Variants in LIMA1 observed in about 807,000 individuals in gnomAD.
The protein encoded by LIMA1 is LIM domain and actin binding 1.
A neutral mutation model predicts 62.6 loss-of-function variants in LIMA1; 52 were observed. The observed-to-expected ratio is 0.83, with a 90% CI of 0.67 to 1.05. LIMA1 has a LOEUF of 1.05. LIMA1 is among the 50% of genes least tolerant of loss of function. The probability of loss-of-function intolerance (pLI) is 0.00; values close to 1 mark genes in which losing one functional copy is unlikely to be tolerated. For synonymous variants in LIMA1, 302 were observed against 317.8 expected, an observed-to-expected ratio of 0.95 and a Z score of 0.53; for missense variants, 780 against 902.2, an observed-to-expected ratio of 0.86 and a Z score of 1.74.
intron 1 of LIMA1, among the ~76,000 whole-genome samples, chr12:50,260,380 C>T (rs1370761023): frequency 1.3e-5 from 2 of 152,122 alleles, no homozygotes; most frequent in Non-Finnish European, 2.9e-5. Flanking sequence ...AACTCCTGAC[C>T]TCTAGTGAGC....
intron 2 of LIMA1, 120 bp from the exon 3 acceptor site, chr12:50,231,830 C>CCGA: frequency 1.1e-6 from 1 of 882,636 alleles, no homozygotes; most frequent in Non-Finnish European, 1.8e-6. Context: ...TGCAGTGGTG[C>CCGA]GATCTCGGCT....
At chr12:50,213,709 A>G (rs1431471843) in intron 4 of LIMA1, among the ~76,000 whole-genome samples, 1 of 152,244 alleles carries the variant, frequency 6.6e-6, no homozygotes, top group African/African-American at 2.4e-5. Context: ...TTTAGGAATG[A>G]GCCCACTAGC....
intron 3 of LIMA1, chr12:50,222,806 T>A: frequency 1.4e-6 from 1 of 718,818 alleles, no homozygotes; most frequent in Non-Finnish European, 1.9e-6. Flanking sequence ...ACCCAAAGAT[T>A]AATGGGGAAA....
chr12:50,267,666 C>T (rs540871029), intron 1 of LIMA1, among the ~76,000 whole-genome samples: 2,115 of 152,006 alleles, frequency 0.014, 44 homozygotes, highest in African/African-American at 0.049. Context: ...ACTACAGGTG[C>T]ATGCCACCAC....
At chr12:50,282,311 T>C (rs1440908975) in intron 1 of LIMA1, among the ~76,000 whole-genome samples, 1 of 152,144 alleles carries the variant, frequency 6.6e-6, no homozygotes, top group Non-Finnish European at 1.5e-5. Context: ...GTGAATAGTA[T>C]TGGTAACCAA....
At chr12:50,230,599 G>A (rs984638842) in intron 3 of LIMA1, among the ~76,000 whole-genome samples, 1 of 151,754 alleles carries the variant, frequency 6.6e-6, no homozygotes, top group Non-Finnish European at 1.5e-5. Flanking sequence ...ACAGAGTCTC[G>A]CTCTGGCTGA....
At chr12:50,226,255 C>T (rs1941526474) in intron 3 of LIMA1, among the ~76,000 whole-genome samples, 1 of 151,746 alleles carries the variant, frequency 6.6e-6, no homozygotes, top group African/African-American at 2.4e-5. Context: ...CTATGTTGCC[C>T]AGGCTCAAAC....
intron 1 of LIMA1, among the ~76,000 whole-genome samples, chr12:50,280,244 T>C (rs966273809): frequency 7.6e-6 from 1 of 132,370 alleles, no homozygotes; most frequent in Non-Finnish European, 1.6e-5. Context: ...AAGCTCCGCC[T>C]CCCGGGTTCA....
In LIMA1 at chr12:50,240,269, A is replaced by C. The variant is rs138669176; in HGVS notation, c.119+8364T>G. 3.8e-3 allele frequency among the ~76,000 whole-genome samples: 573 copies of C among 152,180 alleles called. 3 individuals are homozygous for C. Among genetic ancestry groups the C allele is most frequent in the African/African-American group, 0.013 (537 of 41,502 alleles). On this transcript the variant is annotated intron_variant, in intron 2 of 10. Coordinates refer to ENST00000341247, the MANE Select transcript of LIMA1 (RefSeq NM_016357.5). ...ACTCTAGTGTTGCAGAAGCTCACTG[A>C]GAGGGGAAAGGGCAGGCAATGAGGC... is the stretch of plus-strand genomic sequence containing the variant.
chr12:50,247,435 C>A (rs1219207087), intron 2 of LIMA1, among the ~76,000 whole-genome samples: 1 of 151,808 alleles, frequency 6.6e-6, no homozygotes, highest in Non-Finnish European at 1.5e-5. Context: ...TGTAGGTGTT[C>A]CTACCATGGC....
At chr12:50,257,663 ACT>A (rs1942015114) in intron 1 of LIMA1, among the ~76,000 whole-genome samples, 1 of 152,132 alleles carries the variant, frequency 6.6e-6, no homozygotes, top group African/African-American at 2.4e-5. Context: ...GAAGCAGGGA[ACT>A]CTCTTTTTCT....
chr12:50,195,691 T>C, intron 8 of LIMA1, 139 bp downstream of exon 8: 1 of 779,194 alleles, frequency 1.3e-6, no homozygotes, highest in Non-Finnish European at 2.0e-6. Context: ...GTAAAGGACA[T>C]TCAAGCATTA....
chr12:50,193,662 ATATAT>A (rs1226558815), intron 8 of LIMA1, among the ~76,000 whole-genome samples: 2 of 93,474 alleles, frequency 2.1e-5, no homozygotes, highest in Admixed American at 2.3e-4. Context: ...ATATATATAT[ATATAT>A]TTTTTTTTTT....
In LIMA1 at chr12:50,185,326, G is replaced by A. The variant is rs1038278153; in HGVS notation, c.1141-3289C>T. 39 of 455,186 alleles carry A rather than the reference G, an allele frequency of 8.6e-5. No homozygotes were observed. In the Middle Eastern group the frequency reaches 1.0e-3, roughly 12 times the overall value. 28.2% of individuals were successfully genotyped at this position (455,186 alleles called of 1,614,324 possible). A position where few individuals can be genotyped will look rare whatever the true frequency, so the allele number is the denominator to read the frequency against. On this transcript the variant is annotated intron_variant, in intron 9 of 10. Coordinates refer to ENST00000341247, the MANE Select transcript of LIMA1 (RefSeq NM_016357.5). ...GGAGGGGAGGCACACACTGTGGGAG[G>A]GGGAAGCAGCCCAGGGAACAGAAGG...
At chr12:50,257,463 C>G (rs1047957985) in intron 1 of LIMA1, among the ~76,000 whole-genome samples, 1 of 152,108 alleles carries the variant, frequency 6.6e-6, no homozygotes, top group African/African-American at 2.4e-5. Flanking sequence ...CATCTGCCAC[C>G]CAGAAGGAAT....
intron 3 of LIMA1, among the ~76,000 whole-genome samples, chr12:50,229,334 T>A (rs1234387070): frequency 6.6e-6 from 1 of 152,168 alleles, no homozygotes; most frequent in East Asian, 1.9e-4. Context: ...CCTCCTAAAG[T>A]GCTGGGATTA....
intron 1 of LIMA1, among the ~76,000 whole-genome samples, chr12:50,259,962 T>A (rs1942043913): frequency 6.6e-6 from 1 of 152,170 alleles, no homozygotes; most frequent in Admixed American, 6.5e-5. Context: ...TCCACTTTTC[T>A]CTTTTCTTGC....
intron 1 of LIMA1, among the ~76,000 whole-genome samples, chr12:50,260,639 CATAGT>C (rs1363421502): frequency 1.3e-5 from 2 of 152,094 alleles, no homozygotes; most frequent in Non-Finnish European, 2.9e-5. Context: ...TAACACATAA[CATAGT>C]ATAACAAAAT....
chr12:50,217,692 C>A, intron 4 of LIMA1: 1 of 250,944 alleles, frequency 4.0e-6, no homozygotes, highest in South Asian at 4.9e-5. Context: ...GGGGCAGCAC[C>A]CGCAGGTCTA....
Sources: allele counts gnomAD v4.1 joint callset (sites outside exome capture counted in the v4.1 genomes callset), GRCh38; gene constraint gnomAD v4.1.1; transcripts MANE v1.5; gene names NCBI Gene and HGNC (gene_info 2026-07-23, HGNC 2026-07-21).